PLCE1: variants seen among roughly 807,000 people sequenced by gnomAD.
PLCE1 encodes phospholipase C epsilon 1.
Under a neutral mutation model 242.8 loss-of-function variants are expected in PLCE1, and 119 were observed. The observed-to-expected ratio is 0.49, with a 90% confidence interval of 0.42 to 0.57. The LOEUF (loss-of-function observed/expected upper bound fraction) is 0.57, where lower values mean the gene tolerates loss of function less well. PLCE1 is among the 20% of genes least tolerant of loss of function. The pLI, the probability that PLCE1 is intolerant of heterozygous loss-of-function variation, is 0.00. For missense variants in PLCE1, 2,441 were observed against 2,788.8 expected (o/e 0.88, Z 2.81); for synonymous variants, 945 against 1,017.4 (o/e 0.93, Z 1.35).
chr10:94,032,247 T>C lies in PLCE1; in HGVS notation c.1201T>C (p.Tyr401His), dbSNP rs201401363. Residue 401 changes from tyrosine (Y) to histidine (H), a missense_variant, in exon 2 of 33, where the codon TAT (tyrosine) becomes CAT (histidine). Physicochemically the swap from Tyr to His is moderately conservative, Grantham distance 83. Around this residue, in one of 5 missense-constraint regions of PLCE1, gnomAD observed 733 missense variants for 754.2 expected, o/e 0.97. Coordinates refer to ENST00000371380, the MANE Select transcript of PLCE1 (RefSeq NM_016341.4). The stretch of plus-strand genomic sequence containing the variant: ...CCAACGTCTGTCAGAAGCCCAGTGG[T>C]ATCCTGTAAGCATTTGAGTTTCTTT... ...GSQRLSEAQWYPIYNAVRREE... is the reference protein window; with the variant it reads ...GSQRLSEAQWHPIYNAVRREE... 92 of 1,613,210 alleles carry C rather than the reference T, an allele frequency of 5.7e-5. 2 individuals carry two copies. In the African/African-American group the frequency reaches 1.1e-3, roughly 19 times the overall value.
At chr10:94,177,459 C>T (rs1772042670) in intron 4 of PLCE1, among the ~76,000 whole-genome samples, 2 of 152,180 alleles carry the variant, frequency 1.3e-5, no homozygotes, top group African/African-American at 2.4e-5. Flanking sequence ...TTGTGTTGAA[C>T]GTAGGCTTCA....
chr10:94,012,266 A>T (rs2061183994), intron 1 of PLCE1, among the ~76,000 whole-genome samples: 1 of 151,112 alleles, frequency 6.6e-6, no homozygotes, highest in African/African-American at 2.4e-5. Flanking sequence ...ACTCTGGTTT[A>T]TCTTTTGAGG....
Position 94,067,665 on chromosome 10 carries a change from A to C in PLCE1, c.1206+35413A>C, listed in dbSNP as rs753984001. Among the ~76,000 whole-genome samples the C allele has an allele frequency of 8.5e-4, 130 of 152,326 alleles. 1 individual carries two copies. The highest frequency in any genetic ancestry group is 8.1e-4 in the Non-Finnish European group (55 of 68,036). On this transcript the variant is annotated intron_variant, in intron 2 of 32. Transcript: ENST00000371380. ...CCTGAAGGGGGAAGAGGAGGGAGCA[A>C]TTACTTGTGCAATGAAAGAGGGCTG...
At chr10:94,063,920 G>A (rs978168776) in intron 2 of PLCE1, among the ~76,000 whole-genome samples, 4 of 152,026 alleles carry the variant, frequency 2.6e-5, no homozygotes, top group East Asian at 3.9e-4. Flanking sequence ...CATGTTGCAC[G>A]TACAAAGGCC....
At position 94,171,184 on chromosome 10, in the gene PLCE1, C is replaced by T. The variant is rs778896496; in HGVS notation, c.1497C>T (p.Arg499=). The change falls in exon 4 of 33, where the codon CGC becomes CGT. Residue 499 remains arginine (R), a synonymous_variant. Coordinates refer to ENST00000371380, the MANE Select transcript of PLCE1 (RefSeq NM_016341.4). ...ACTTCTGTTGCTTTGTTTTAGAACG[C>T]CAGCCAGGCCCCTCTGTGGCCAATT... ...GSTGRMMLKE[R]QPGPSVANSN... The T allele has an allele frequency of 5.0e-6, 8 of 1,614,060 alleles. No homozygotes were observed. The highest frequency in any genetic ancestry group is 6.8e-6 in the Non-Finnish European group (8 of 1,179,942).
At chr10:94,247,453 T>C (rs74876996) in intron 8 of PLCE1, among the ~76,000 whole-genome samples, 11,347 of 152,204 alleles carry the variant, frequency 0.075, 811 homozygotes, top group African/African-American at 0.19. Flanking sequence ...AGCATTGTTA[T>C]CTGAATACTT....
chr10:94,009,787 C>T (rs553683250), intron 1 of PLCE1, among the ~76,000 whole-genome samples: 208 of 152,362 alleles, frequency 1.4e-3, no homozygotes, highest in Middle Eastern at 3.4e-3. Context: ...CTCCATGTCC[C>T]ACATTCAGAG....
chr10:94,239,843 C>A (rs2137398671), intron 7 of PLCE1, among the ~76,000 whole-genome samples: 1 of 152,200 alleles, frequency 6.6e-6, no homozygotes, highest in East Asian at 1.9e-4. Flanking sequence ...TGTGGATGCC[C>A]CAAATCATAA....
intron 32 of PLCE1, among the ~76,000 whole-genome samples, chr10:94,326,845 A>G (rs977342773): frequency 1.3e-5 from 2 of 152,112 alleles, no homozygotes; most frequent in African/African-American, 4.8e-5. Context: ...TCATTCTGTT[A>G]ACTTCACAGC....
intron 4 of PLCE1, among the ~76,000 whole-genome samples, chr10:94,187,146 ATGTGTGTGTGTG>A (rs372501153): frequency 1.5e-4 from 22 of 145,410 alleles, no homozygotes; most frequent in African/African-American, 4.6e-4. Context: ...TGAAACATAT[ATGTGTGTGTGTG>A]TGTGTGTGTG....
chr10:94,087,533 C>A (rs1008696635), intron 2 of PLCE1, among the ~76,000 whole-genome samples: 1 of 151,744 alleles, frequency 6.6e-6, no homozygotes, highest in Non-Finnish European at 1.5e-5. Context: ...AACTCCTGGG[C>A]TCAAGTTATC....
intron 2 of PLCE1, among the ~76,000 whole-genome samples, chr10:94,081,560 T>G (rs1232943904): frequency 2.0e-5 from 3 of 152,258 alleles, no homozygotes; most frequent in Non-Finnish European, 4.4e-5. Flanking sequence ...ATTTCTTCCT[T>G]TGCTATCTTT....
intron 4 of PLCE1, among the ~76,000 whole-genome samples, chr10:94,174,400 C>T (rs1322788950): frequency 6.6e-6 from 1 of 152,042 alleles, no homozygotes; most frequent in African/African-American, 2.4e-5. Context: ...CTGTTGCAGG[C>T]AAGAACTACT....
At chr10:94,096,730 A>C (rs1200270750) in intron 2 of PLCE1, 1 of 152,220 alleles carries the variant, frequency 6.6e-6, no homozygotes. Flanking sequence ...GATGGTTATG[A>C]AGACAGGCTG....
intron 2 of PLCE1, among the ~76,000 whole-genome samples, chr10:94,093,537 T>A (rs2045161336): frequency 6.6e-6 from 1 of 152,218 alleles, no homozygotes; most frequent in South Asian, 2.1e-4. Context: ...AAACAGACAG[T>A]CAGTGTCCAT....
At chr10:94,255,956 T>TCC (rs1564834582) in intron 11 of PLCE1, among the ~76,000 whole-genome samples, 3 of 118,640 alleles carry the variant, frequency 2.5e-5, no homozygotes, top group Non-Finnish European at 5.6e-5. Flanking sequence ...TCTCTCTCTC[T>TCC]CCCCACCCCT....
At chr10:94,171,537 C>A (rs546040523) in intron 4 of PLCE1, 41 bp downstream of exon 4, 2 of 1,496,184 alleles carry the variant, frequency 1.3e-6, no homozygotes, top group Admixed American at 3.3e-5. Context: ...TTGACTCACC[C>A]GTAAGTGATT....
chr10:94,173,071 GA>G (rs1297521403), intron 4 of PLCE1, among the ~76,000 whole-genome samples: 1 of 152,142 alleles, frequency 6.6e-6, no homozygotes, highest in African/African-American at 2.4e-5. Flanking sequence ...ACAACCTTGG[GA>G]GACAGATATT....
chr10:94,047,478 C>T (rs1182707863), intron 2 of PLCE1, among the ~76,000 whole-genome samples: 1 of 152,112 alleles, frequency 6.6e-6, no homozygotes, highest in Admixed American at 6.6e-5. Flanking sequence ...CAGTTCTTTT[C>T]CTCCCGCCTT....
Sources: allele counts gnomAD v4.1 joint callset (sites outside exome capture counted in the v4.1 genomes callset), GRCh38; gene constraint gnomAD v4.1.1; regional missense constraint gnomAD v4.1.1; transcripts MANE v1.5; gene names NCBI Gene and HGNC (gene_info 2026-07-23, HGNC 2026-07-21).